FREM3: variants seen among roughly 807,000 people sequenced by gnomAD.
FREM3 encodes FRAS1 related extracellular matrix 3, also known as FRAS1-related extracellular matrix protein 3.
A neutral mutation model predicts 129.1 loss-of-function variants in FREM3; 105 were observed. That is an observed-to-expected ratio of 0.81 (90% confidence interval 0.69 to 0.96). The LOEUF (loss-of-function observed/expected upper bound fraction) is 0.96, where lower values mean the gene tolerates loss of function less well. FREM3 is among the 40% of genes least tolerant of loss of function. The pLI is 0.00. For synonymous variants in FREM3, 1,014 were observed against 1,044.9 expected, an observed-to-expected ratio of 0.97 and a Z score of 0.57; for missense variants, 2,593 against 2,666.3, an observed-to-expected ratio of 0.97 and a Z score of 0.61.
intron 3 of FREM3, among the ~76,000 whole-genome samples, chr4:143,626,124 T>C (rs139446283): frequency 1.2e-3 from 176 of 152,208 alleles, no homozygotes; most frequent in African/African-American, 4.0e-3. Flanking sequence ...ATTGAGATGG[T>C]TTAGAGGTTC....
chr4:143,586,299 C>G (rs1578821307), intron 6 of FREM3, among the ~76,000 whole-genome samples: 1 of 152,120 alleles, frequency 6.6e-6, no homozygotes, highest in African/African-American at 2.4e-5. Flanking sequence ...GGAAAATTGG[C>G]CAATCAGCTG....
chr4:143,582,205 C>G (rs1738159208), intron 7 of FREM3, among the ~76,000 whole-genome samples: 1 of 152,192 alleles, frequency 6.6e-6, no homozygotes, highest in Admixed American at 6.5e-5. Context: ...TGCCTCAAGG[C>G]TGCGGTGTAT....
intron 2 of FREM3, among the ~76,000 whole-genome samples, chr4:143,676,824 C>A (rs1430762590): frequency 6.6e-6 from 1 of 151,996 alleles, no homozygotes; most frequent in East Asian, 1.9e-4. Flanking sequence ...ACCTAAGAAT[C>A]CAACTTACAA....
intron 6 of FREM3, among the ~76,000 whole-genome samples, chr4:143,592,519 T>G (rs141289202): frequency 0.013 from 1,968 of 152,332 alleles, 41 homozygotes; most frequent in African/African-American, 0.045. Flanking sequence ...TGGCTGGATA[T>G]GAAATTCTGG....
In FREM3 at chr4:143,577,386, A is replaced by T; in HGVS notation, c.*225T>A. On this transcript the variant is annotated 3_prime_UTR_variant, in exon 8 of 8. Coordinates refer to ENST00000329798, the MANE Select transcript of FREM3 (RefSeq NM_001168235.2). ...ACAAAGTAAAACAAAATAGAAAAAG[A>T]ACATGAACACAGTCTAATTATTTGT... 2.0e-6 allele frequency: 1 copy of T among 512,518 alleles called. No homozygotes were observed. The highest frequency in any genetic ancestry group is 3.4e-6 in the Non-Finnish European group (1 of 295,318). 31.7% of individuals were successfully genotyped at this position (512,518 alleles called of 1,614,324 possible). A position where few individuals can be genotyped will look rare whatever the true frequency, so the allele number is the denominator to read the frequency against.
At chr4:143,672,567 G>A (rs182089133) in intron 2 of FREM3, among the ~76,000 whole-genome samples, 42 of 152,194 alleles carry the variant, frequency 2.8e-4, no homozygotes, top group Non-Finnish European at 4.1e-4. Context: ...ACAATTATGC[G>A]TCTTGGAGTT....
rs557116077 is a variant in FREM3 at position 143,700,516 on chromosome 4, C to T, written c.160G>A (p.Gly54Ser). 3 of 1,517,968 alleles carry T rather than the reference C, an allele frequency of 2.0e-6. No homozygotes were observed. The highest frequency in any genetic ancestry group is 2.6e-6 in the Non-Finnish European group (3 of 1,136,022). 94.0% of individuals were successfully genotyped at this position (1,517,968 alleles called of 1,614,324 possible). A position where few individuals can be genotyped will look rare whatever the true frequency, so the allele number is the denominator to read the frequency against. ...LYLPARGALD[G>S]TRPDGPSVLI... ...ACGCTGGGGCCGTCGGGGCGAGTGC[C>T]GTCAAGCGCACCCCGGGCGGGCAGG... The change falls in exon 1 of 8, where the codon GGC (glycine) becomes AGC (serine). Residue 54 changes from glycine to serine, a missense_variant. Gly to Ser is a moderately conservative substitution (Grantham distance 56). Around this residue, in one of 2 missense-constraint regions of FREM3, gnomAD observed 2,276 missense variants for 2,267.2 expected, o/e 1.00. Coordinates refer to ENST00000329798, the MANE Select transcript of FREM3 (RefSeq NM_001168235.2).
chr4:143,625,091 C>A (rs1409079223), intron 3 of FREM3, among the ~76,000 whole-genome samples: 1 of 151,914 alleles, frequency 6.6e-6, no homozygotes, highest in Non-Finnish European at 1.5e-5. Flanking sequence ...ACAACAACAT[C>A]AACAACAACA....
At chr4:143,589,835 A>G (rs181615564) in intron 6 of FREM3, among the ~76,000 whole-genome samples, 324 of 152,290 alleles carry the variant, frequency 2.1e-3, no homozygotes, top group Non-Finnish European at 3.7e-3. Context: ...CTTGGGCAGT[A>G]TGGCCATTTT....
At chr4:143,595,408 AT>A (rs1477596011) in intron 6 of FREM3, among the ~76,000 whole-genome samples, 1 of 152,004 alleles carries the variant, frequency 6.6e-6, no homozygotes, top group African/African-American at 2.4e-5. Flanking sequence ...TTTTTAAAAA[AT>A]ATTTTTTACT....
At chr4:143,639,034 T>C (rs1739277967) in intron 2 of FREM3, among the ~76,000 whole-genome samples, 1 of 152,168 alleles carries the variant, frequency 6.6e-6, no homozygotes, top group Non-Finnish European at 1.5e-5. Flanking sequence ...TCTTCCTTTT[T>C]GTGCTATGTA....
In FREM3 at chr4:143,577,569, T is replaced by C. The variant is rs1368590597; in HGVS notation, c.*42A>G. 2 of 1,513,056 alleles carry C rather than the reference T, an allele frequency of 1.3e-6. No individual in the cohort carries two copies. Among genetic ancestry groups the C allele is most frequent in the South Asian group, 2.5e-5 (2 of 80,440 alleles). 93.7% of individuals were successfully genotyped at this position (1,513,056 alleles called of 1,614,324 possible). ...AAACAGTAGAGTTTCATTCTGTTGT[T>C]AGGAGACATATCTTGGCTGTTTTTT... On this transcript the variant is annotated 3_prime_UTR_variant, in exon 8 of 8. Coordinates refer to ENST00000329798, the MANE Select transcript of FREM3 (RefSeq NM_001168235.2).
chr4:143,587,477 GT>G (rs1483753825), intron 6 of FREM3, among the ~76,000 whole-genome samples: 3 of 152,178 alleles, frequency 2.0e-5, no homozygotes, highest in Admixed American at 6.5e-5. Context: ...GTAATTGTAT[GT>G]ATTTATGGGG....
chr4:143,695,545 C>A lies in FREM3; in HGVS notation c.5131G>T (p.Gly1711Cys). The A allele has an allele frequency of 6.5e-7, 1 of 1,537,458 alleles. No homozygotes were observed. Among genetic ancestry groups the A allele is most frequent in the Non-Finnish European group, 8.7e-7 (1 of 1,146,974 alleles). The change falls in exon 1 of 8, where the codon GGC becomes TGC. Residue 1711 changes from glycine to cysteine, a missense_variant. This residue lies in a region of FREM3 where 2,276 missense variants were observed against 2,267.2 expected (regional missense o/e 1.00). Transcript: ENST00000329798. ...CCAAGGCCAGTTTTGATAATGAAGCCATGCTCTGGTCCTCTGGTCACTTTA... is the reference window on the plus strand; with the variant it reads ...CCAAGGCCAGTTTTGATAATGAAGCAATGCTCTGGTCCTCTGGTCACTTTA... The part of the protein sequence containing the change: ...KYKVTRGPEH[G>C]FIIKTGLGNQ...
intron 2 of FREM3, among the ~76,000 whole-genome samples, chr4:143,685,035 G>A: frequency 6.6e-6 from 1 of 152,162 alleles, no homozygotes; most frequent in Admixed American, 6.5e-5. Flanking sequence ...AATAATCGGT[G>A]TTTCTTAGGA....
intron 6 of FREM3, among the ~76,000 whole-genome samples, chr4:143,597,657 C>T (rs1274450072): frequency 2.0e-5 from 3 of 152,114 alleles, no homozygotes; most frequent in Non-Finnish European, 2.9e-5. Flanking sequence ...AGGAAAACAA[C>T]CCCATTTACA....
chr4:143,698,027 A>G lies in FREM3; in HGVS notation c.2649T>C (p.Cys883=). ...QHGHLQYFKR[C]MVPGESFMQA... ...GCATGAAAGATTCCCCTGGGACCAT[A>G]CATCTTTTAAAGTACTGCAAGTGTC... is the stretch of plus-strand genomic sequence containing the variant. Residue 883 remains cysteine, a synonymous_variant, in exon 1 of 8, where the codon TGT becomes TGC. Transcript: ENST00000329798. The G allele has an allele frequency of 6.5e-7, 1 of 1,537,326 alleles. No homozygotes were observed. Among genetic ancestry groups the G allele is most frequent in the Non-Finnish European group, 8.7e-7 (1 of 1,146,934 alleles).
chr4:143,647,329 G>T (rs1739436501), intron 2 of FREM3, among the ~76,000 whole-genome samples: 1 of 152,174 alleles, frequency 6.6e-6, no homozygotes, highest in Non-Finnish European at 1.5e-5. Context: ...TGATAGAAAA[G>T]AAAAATCTGT....
At chr4:143,609,011 C>T in intron 6 of FREM3, among the ~76,000 whole-genome samples, 1 of 152,062 alleles carries the variant, frequency 6.6e-6, no homozygotes, top group East Asian at 1.9e-4. Flanking sequence ...TAACTAATGC[C>T]TTTTTCTTAG....
Sources: allele counts gnomAD v4.1 joint callset (sites outside exome capture counted in the v4.1 genomes callset), GRCh38; gene constraint gnomAD v4.1.1; regional missense constraint gnomAD v4.1.1; transcripts MANE v1.5; gene names NCBI Gene and HGNC (gene_info 2026-07-23, HGNC 2026-07-21).